The following SLCO5A1 variants were observed in gnomAD, a reference collection of about 807,000 sequenced individuals.
SLCO5A1 encodes organic anion transporter polypeptide-related protein 4.
Under a neutral mutation model 65.1 loss-of-function variants are expected in SLCO5A1, and 39 were observed. The observed-to-expected ratio is 0.60, with a 90% CI of 0.46 to 0.78. The LOEUF (loss-of-function observed/expected upper bound fraction) is 0.78, where lower values mean the gene tolerates loss of function less well. Among genes scored for constraint, SLCO5A1 ranks in the 30% least tolerant of loss-of-function variants. SLCO5A1 has a pLI of 0.00. For missense variants in SLCO5A1, 1,029 were observed against 1,069.4 expected, an observed-to-expected ratio of 0.96 and a Z score of 0.53; for synonymous variants, 438 against 415.7, an observed-to-expected ratio of 1.05 and a Z score of -0.65.
At chr8:69,753,199 G>A (rs1002126172) in intron 4 of SLCO5A1, among the ~76,000 whole-genome samples, 1 of 152,098 alleles carries the variant, frequency 6.6e-6, no homozygotes, top group Non-Finnish European at 1.5e-5. Context: ...GAGTGTGGTC[G>A]AAGTGCACTG....
chr8:69,697,579 T>C (rs192283169), intron 6 of SLCO5A1, among the ~76,000 whole-genome samples: 6 of 152,118 alleles, frequency 3.9e-5, no homozygotes, highest in Admixed American at 6.5e-5. Context: ...CTCCCCTAGA[T>C]TGGGCAGAGA....
chr8:69,783,346 A>C (rs1467135277), intron 2 of SLCO5A1, among the ~76,000 whole-genome samples: 1 of 152,088 alleles, frequency 6.6e-6, no homozygotes, highest in Non-Finnish European at 1.5e-5. Flanking sequence ...AACTCAAAGG[A>C]TAAATGCTTG....
intron 6 of SLCO5A1, among the ~76,000 whole-genome samples, chr8:69,701,273 T>C (rs928792548): frequency 1.3e-5 from 2 of 152,208 alleles, no homozygotes; most frequent in African/African-American, 4.8e-5. Flanking sequence ...GGAAATCTAA[T>C]CATGATACTG....
At chr8:69,686,185 A>G (rs1432144442) in intron 6 of SLCO5A1, among the ~76,000 whole-genome samples, 1 of 149,698 alleles carries the variant, frequency 6.7e-6, no homozygotes, top group African/African-American at 2.5e-5. Flanking sequence ...AAATCCATAC[A>G]TACTATGCTC....
chr8:69,796,771 C>T (rs557935854), intron 2 of SLCO5A1, among the ~76,000 whole-genome samples: 1 of 152,058 alleles, frequency 6.6e-6, no homozygotes, highest in African/African-American at 2.4e-5. Flanking sequence ...AGCAGCCAGG[C>T]CATATCTTGA....
In SLCO5A1 at chr8:69,712,546, C is replaced by T. The variant is rs374422526; in HGVS notation, c.1424-7317G>A. On this transcript the variant is annotated intron_variant, in intron 5 of 9. Coordinates refer to ENST00000260126, the MANE Select transcript of SLCO5A1 (RefSeq NM_030958.3). ...AAAGGAGAGAACAAAATTAGGCAAC[C>T]CATTCATTATCAAGAATGTATTATA... is the stretch of plus-strand genomic sequence containing the variant. Among the ~76,000 whole-genome samples, 4 of 152,022 alleles carry T rather than the reference C, an allele frequency of 2.6e-5. No individual in the cohort carries two copies. In the East Asian group the frequency reaches 5.8e-4, roughly 22 times the overall value.
intron 2 of SLCO5A1, among the ~76,000 whole-genome samples, chr8:69,765,942 T>C (rs1818043064): frequency 6.6e-6 from 1 of 152,338 alleles, no homozygotes. Flanking sequence ...TTGTCTATTC[T>C]AGCAGCCCTC....
chr8:69,796,093 G>A (rs1317620429), intron 2 of SLCO5A1, among the ~76,000 whole-genome samples: 5 of 152,196 alleles, frequency 3.3e-5, no homozygotes, highest in African/African-American at 9.6e-5. Flanking sequence ...TTCCCTTCTA[G>A]GCCTCTGGGC....
At chr8:69,704,250 T>A (rs908716321) in intron 6 of SLCO5A1, among the ~76,000 whole-genome samples, 2 of 152,164 alleles carry the variant, frequency 1.3e-5, no homozygotes, top group Non-Finnish European at 2.9e-5. Context: ...AGTCCATTGG[T>A]TACATGTGAT....
Position 69,803,435 on chromosome 8 carries a change from C to T in SLCO5A1, c.907+28332G>A, listed in dbSNP as rs143887966. 9.1e-3 allele frequency among the ~76,000 whole-genome samples: 1,377 copies of T among 151,690 alleles called. 14 individuals are homozygous for T. The highest frequency in any genetic ancestry group is 0.023 in the South Asian group (111 of 4,788). On this transcript the variant is annotated intron_variant, in intron 2 of 9. Transcript: ENST00000260126. Reference sequence around the variant, plus strand: ...CTGTCTCAAAAAACAAAAATTAGCCCGGCATGGTGCCGGGTTCCTGTAATC... The same window carrying T: ...CTGTCTCAAAAAACAAAAATTAGCCTGGCATGGTGCCGGGTTCCTGTAATC...
chr8:69,813,021 T>A (rs1820270215), intron 2 of SLCO5A1, among the ~76,000 whole-genome samples: 2 of 152,134 alleles, frequency 1.3e-5, no homozygotes. Context: ...CATAAGCAAA[T>A]TTCTAGACAA....
rs766024423 is a variant in SLCO5A1 at position 69,832,361 on chromosome 8, A to G, written c.313T>C (p.Phe105Leu). The stretch of plus-strand genomic sequence containing the variant: ...ATGGCCAAGGCGGAGGACACCGAGA[A>G]GGTTTTGCTGAGGTCCACCCTGTGG... The part of the protein sequence containing the change: ...CNHRVDLSKT[F>L]SVSSALAMLQ... The change falls in exon 2 of 10, where the codon TTC (phenylalanine) becomes CTC (leucine). Residue 105 changes from phenylalanine (F) to leucine (L), a missense_variant. Phe to Leu is a conservative substitution (Grantham distance 22). This residue lies in a region of SLCO5A1 where 647 missense variants were observed against 647.5 expected (regional missense o/e 1.00). Coordinates refer to ENST00000260126, the MANE Select transcript of SLCO5A1 (RefSeq NM_030958.3). The surrounding 1 kb of genome is among the most constrained non-coding windows in gnomAD (Gnocchi z 4.5). 1.2e-6 allele frequency: 2 copies of G among 1,613,946 alleles called. No homozygotes were observed. The highest frequency in any genetic ancestry group is 3.3e-5 in the Admixed American group (2 of 59,986).
At chr8:69,756,818 G>A (rs376552457) in intron 3 of SLCO5A1, among the ~76,000 whole-genome samples, 2 of 152,222 alleles carry the variant, frequency 1.3e-5, no homozygotes, top group African/African-American at 4.8e-5. Flanking sequence ...ATGATGCCCC[G>A]TGGGGCAATT....
intron 2 of SLCO5A1, among the ~76,000 whole-genome samples, chr8:69,795,219 C>G (rs373058625): frequency 1.3e-5 from 2 of 152,170 alleles, no homozygotes; most frequent in African/African-American, 2.4e-5. Flanking sequence ...AACAGTCCCC[C>G]CAAAGTCTTA....
intron 5 of SLCO5A1, among the ~76,000 whole-genome samples, chr8:69,725,810 G>A (rs1052942643): frequency 3.3e-5 from 5 of 152,198 alleles, no homozygotes; most frequent in Non-Finnish European, 7.3e-5. Flanking sequence ...ACGCTCCTAC[G>A]TCTGCTTCTG....
chr8:69,699,412 G>A (rs1342380799), intron 6 of SLCO5A1, among the ~76,000 whole-genome samples: 1 of 152,180 alleles, frequency 6.6e-6, no homozygotes, highest in Non-Finnish European at 1.5e-5. Flanking sequence ...CCTAGCAGGA[G>A]AGAAAGGAGC....
intron 2 of SLCO5A1, among the ~76,000 whole-genome samples, chr8:69,765,207 C>T (rs1818002958): frequency 6.6e-6 from 1 of 151,338 alleles, no homozygotes; most frequent in African/African-American, 2.4e-5. Context: ...TATACAGATA[C>T]ATATATATAT....
Position 69,679,590 on chromosome 8 carries a change from G to A in SLCO5A1, c.1812C>T (p.Val604=). The A allele has an allele frequency of 6.2e-7, 1 of 1,614,230 alleles. No individual in the cohort carries two copies. The highest frequency in any genetic ancestry group is 8.5e-7 in the Non-Finnish European group (1 of 1,180,050). Residue 604 remains valine, a synonymous_variant, in exon 8 of 10, where the codon GTC becomes GTT. Coordinates refer to ENST00000260126, the MANE Select transcript of SLCO5A1 (RefSeq NM_030958.3). ...GTGGAGTGATCACTTGGCGACTTTG[G>A]ACACAGGTGCATTCTGTATAATTCC... ...GIRNYTECTC[V]QSRQVITPPT...
intron 5 of SLCO5A1, among the ~76,000 whole-genome samples, chr8:69,710,971 A>T (rs1355369682): frequency 6.6e-6 from 1 of 151,624 alleles, no homozygotes; most frequent in Non-Finnish European, 1.5e-5. Context: ...TCTTGGGACG[A>T]GCAGCAGGGA....
Sources: allele counts gnomAD v4.1 joint callset (sites outside exome capture counted in the v4.1 genomes callset), GRCh38; gene constraint gnomAD v4.1.1; regional missense constraint gnomAD v4.1.1; non-coding constraint Gnocchi (gnomAD v3.1); transcripts MANE v1.5; gene names NCBI Gene and HGNC (gene_info 2026-07-23, HGNC 2026-07-21).